SLMAP: variants seen among roughly 807,000 people sequenced by gnomAD.
SLMAP encodes the protein sarcolemma associated protein, also known as sarcolemmal membrane-associated protein.
A neutral mutation model predicts 128.8 loss-of-function variants in SLMAP; 44 were observed. The observed-to-expected ratio is 0.34, with a 90% confidence interval of 0.27 to 0.44. The LOEUF (loss-of-function observed/expected upper bound fraction) is 0.44. Ranked by LOEUF, SLMAP falls within the 20% of genes least tolerant of loss-of-function variation. The probability of loss-of-function intolerance (pLI) is 1.00; values close to 1 mark genes in which losing one functional copy is unlikely to be tolerated. For missense variants in SLMAP, 787 were observed against 985.3 expected (o/e 0.80, Z 2.69); for synonymous variants, 327 against 348.8 (o/e 0.94, Z 0.70).
intron 2 of SLMAP, chr3:57,800,646 A>C (rs2088044396): frequency 6.6e-6 from 1 of 152,650 alleles, no homozygotes; most frequent in South Asian, 2.1e-4. Context: ...CCAAATATAC[A>C]ACAGGCAAAC....
intron 2 of SLMAP, among the ~76,000 whole-genome samples, chr3:57,762,592 A>G (rs1339275762): frequency 6.6e-6 from 1 of 152,102 alleles, no homozygotes; most frequent in East Asian, 1.9e-4. Context: ...TCTTTACCAA[A>G]TCATCTTCTC....
intron 2 of SLMAP, among the ~76,000 whole-genome samples, chr3:57,782,361 C>T (rs1162113089): frequency 6.6e-6 from 1 of 152,088 alleles, no homozygotes; most frequent in Non-Finnish European, 1.5e-5. Flanking sequence ...AATAATATGA[C>T]CTTATATTTA....
At chr3:57,762,865 G>A (rs988885476) in intron 2 of SLMAP, among the ~76,000 whole-genome samples, 2 of 151,852 alleles carry the variant, frequency 1.3e-5, no homozygotes, top group African/African-American at 4.8e-5. Flanking sequence ...ACAGGCATGA[G>A]CCACCATGCC....
chr3:57,837,991 C>T (rs1165035871), intron 3 of SLMAP, among the ~76,000 whole-genome samples: 1 of 152,186 alleles, frequency 6.6e-6, no homozygotes, highest in Non-Finnish European at 1.5e-5. Flanking sequence ...CAACTCTGTA[C>T]TGCCCAGTCA....
intron 15 of SLMAP, among the ~76,000 whole-genome samples, chr3:57,894,719 T>G (rs1374225289): frequency 1.3e-5 from 2 of 152,160 alleles, no homozygotes; most frequent in African/African-American, 4.8e-5. Flanking sequence ...AAACTGTATA[T>G]TACAGAATGA....
chr3:57,774,771 G>T (rs906675664), intron 2 of SLMAP, among the ~76,000 whole-genome samples: 1 of 151,856 alleles, frequency 6.6e-6, no homozygotes, highest in Non-Finnish European at 1.5e-5. Flanking sequence ...TGATCCACCC[G>T]CCTCAGCCTC....
At chr3:57,833,544 C>G (rs372851778) in intron 3 of SLMAP, among the ~76,000 whole-genome samples, 2 of 151,778 alleles carry the variant, frequency 1.3e-5, no homozygotes, top group Admixed American at 1.3e-4. Context: ...CTCAGCCTCT[C>G]GAGTAGCTGG....
At chr3:57,776,522 C>CTCTTTTTT (rs571722815) in intron 2 of SLMAP, among the ~76,000 whole-genome samples, 2 of 92,612 alleles carry the variant, frequency 2.2e-5, no homozygotes, top group African/African-American at 9.4e-5. Context: ...CTCTCTCTCT[C>CTCTTTTTT]TTTTTTTTTT....
chr3:57,775,608 GA>G (rs2081751339), intron 2 of SLMAP, among the ~76,000 whole-genome samples: 1 of 150,912 alleles, frequency 6.6e-6, no homozygotes, highest in Non-Finnish European at 1.5e-5. Flanking sequence ...AAGATAGCTT[GA>G]GCCTGGGAGT....
At chr3:57,769,896 G>T (rs1271930809) in intron 2 of SLMAP, among the ~76,000 whole-genome samples, 1 of 152,178 alleles carries the variant, frequency 6.6e-6, no homozygotes, top group Non-Finnish European at 1.5e-5. Flanking sequence ...AAGTTGTAGT[G>T]CCAGAGTATT....
intron 2 of SLMAP, among the ~76,000 whole-genome samples, chr3:57,825,155 G>A (rs2092821574): frequency 6.6e-6 from 1 of 150,814 alleles, no homozygotes; most frequent in South Asian, 2.1e-4. Context: ...ATTCTATGGG[G>A]TTTTCTATAT....
Position 57,857,809 on chromosome 3 carries a change from C to T in SLMAP, c.596C>T (p.Ala199Val), listed in dbSNP as rs1190707165. 2 of 1,610,178 alleles carry T rather than the reference C, an allele frequency of 1.2e-6. No homozygotes were observed. The highest frequency in any genetic ancestry group is 1.7e-6 in the Non-Finnish European group (2 of 1,176,542). ...CGGCTACTAGCCATCACCCAAGAGG[C>T]TTCAGATACCAGTTGGCAGGTATTC... Reference protein sequence around the residue: ...LQRLLAITQEASDTSWQALID... With the variant: ...LQRLLAITQEVSDTSWQALID... The change falls in exon 7 of 25, where the codon GCT becomes GTT. Residue 199 changes from alanine (A) to valine (V), a missense_variant. This residue lies in a region of SLMAP where 715 missense variants were observed against 843.6 expected (regional missense o/e 0.85). Coordinates refer to ENST00000671191, the MANE Select transcript of SLMAP (RefSeq NM_001377540.1).
chr3:57,813,535 A>T (rs1406353212), intron 2 of SLMAP, among the ~76,000 whole-genome samples: 1 of 152,182 alleles, frequency 6.6e-6, no homozygotes, highest in African/African-American at 2.4e-5. Context: ...TGGATGGAAA[A>T]TATTTGGGGG....
In SLMAP at chr3:57,874,120, C is replaced by T. The variant is rs542626679; in HGVS notation, c.1300+2422C>T. Among the ~76,000 whole-genome samples the T allele has an allele frequency of 1.1e-4, 17 of 152,140 alleles. 1 individual carries two copies. The East Asian group carries it at 2.9e-3, about 26-fold the overall frequency. ...CCTGGGCAACAGAGTGAGACTGTCT[C>T]AGCAACAGCAACAACAAAAAAATTA... is the stretch of plus-strand genomic sequence containing the variant. On this transcript the variant is annotated intron_variant, in intron 14 of 24. Coordinates refer to ENST00000671191, the MANE Select transcript of SLMAP (RefSeq NM_001377540.1).
chr3:57,898,663 A>G (rs1010344997), intron 17 of SLMAP: 1 of 152,188 alleles, frequency 6.6e-6, no homozygotes, highest in Admixed American at 6.5e-5. Context: ...TGCCTACCAC[A>G]ATGCAGGTAT....
chr3:57,927,403 T>A lies in SLMAP; in HGVS notation c.*114T>A. On this transcript the variant is annotated 3_prime_UTR_variant, in exon 25 of 25. Transcript: ENST00000671191. ...CTTCTCCATGAGAGCGTTCCTTGAG[T>A]CCGTACACCGTCCTCCCTCTAGAAG... 2 of 1,502,616 alleles carry A rather than the reference T, an allele frequency of 1.3e-6. No individual in the cohort carries two copies. Among genetic ancestry groups the A allele is most frequent in the East Asian group, 4.6e-5 (2 of 43,472 alleles). The allele number at this position is 1,502,616 out of a possible 1,614,324, so 93.1% of individuals were successfully genotyped here.
intron 4 of SLMAP, among the ~76,000 whole-genome samples, chr3:57,846,769 G>A (rs918383605): frequency 1.2e-4 from 18 of 151,886 alleles, no homozygotes; most frequent in Admixed American, 7.9e-4. Flanking sequence ...ATGTTGACCA[G>A]GCTGGTCTTG....
chr3:57,777,405 TA>T (rs1308947573), intron 2 of SLMAP, among the ~76,000 whole-genome samples: 1 of 152,042 alleles, frequency 6.6e-6, no homozygotes. Context: ...TCAAATACAT[TA>T]AAAATTAATT....
At chr3:57,894,063 A>AT (rs2096172352) in intron 15 of SLMAP, among the ~76,000 whole-genome samples, 1 of 152,194 alleles carries the variant, frequency 6.6e-6, no homozygotes, top group Non-Finnish European at 1.5e-5. Flanking sequence ...TTTGACAGTA[A>AT]TGGTTTTAGA....
Sources: allele counts gnomAD v4.1 joint callset (sites outside exome capture counted in the v4.1 genomes callset), GRCh38; gene constraint gnomAD v4.1.1; regional missense constraint gnomAD v4.1.1; transcripts MANE v1.5; gene names NCBI Gene and HGNC (gene_info 2026-07-23, HGNC 2026-07-21).